DNAH9: variants seen among roughly 807,000 people sequenced by gnomAD.
The protein encoded by DNAH9 is DNAH9 variant protein.
In DNAH9, 345 loss-of-function variants were observed where a neutral mutation model predicts 471.6. That is an observed-to-expected ratio of 0.73 (90% confidence interval 0.67 to 0.80). The LOEUF (loss-of-function observed/expected upper bound fraction) is 0.80, where lower values mean the gene tolerates loss of function less well. Ranked by LOEUF, DNAH9 falls within the 30% of genes least tolerant of loss-of-function variation. The pLI, the probability that DNAH9 is intolerant of heterozygous loss-of-function variation, is 0.00. For missense variants in DNAH9, 5,407 were observed against 5,609.2 expected, an observed-to-expected ratio of 0.96 and a Z score of 1.15; for synonymous variants, 2,093 against 2,123.6, an observed-to-expected ratio of 0.99 and a Z score of 0.40.
intron 66 of DNAH9, among the ~76,000 whole-genome samples, chr17:11,939,324 G>T (rs1333717449): frequency 6.6e-6 from 1 of 152,194 alleles, no homozygotes. Context: ...AATAGACTTA[G>T]AATTCTTCAG....
intron 15 of DNAH9, among the ~76,000 whole-genome samples, chr17:11,666,408 G>A (rs1016105628): frequency 6.6e-6 from 1 of 152,198 alleles, no homozygotes; most frequent in Admixed American, 6.5e-5. Flanking sequence ...AGGACAGAGT[G>A]GGACCAGGGG....
At chr17:11,848,244 T>A (rs1382485324) in intron 49 of DNAH9, among the ~76,000 whole-genome samples, 2 of 152,148 alleles carry the variant, frequency 1.3e-5, no homozygotes, top group Non-Finnish European at 2.9e-5. Flanking sequence ...CCAGTAGAAA[T>A]GTAGGCAAAG....
chr17:11,764,678 G>A (rs116019914), intron 36 of DNAH9, among the ~76,000 whole-genome samples: 3,773 of 151,880 alleles, frequency 0.025, 152 homozygotes, highest in African/African-American at 0.087. Context: ...GGTTCATCAC[G>A]TTGTTGCAAA....
At chr17:11,781,400 G>C (rs1699892122) in intron 39 of DNAH9, among the ~76,000 whole-genome samples, 1 of 152,196 alleles carries the variant, frequency 6.6e-6, no homozygotes, top group African/African-American at 2.4e-5. Flanking sequence ...AGAAGACACT[G>C]AGCTCTCATC....
chr17:11,817,582 G>T (rs185529339), intron 45 of DNAH9, among the ~76,000 whole-genome samples: 61 of 152,328 alleles, frequency 4.0e-4, no homozygotes, highest in African/African-American at 1.4e-3. Context: ...CATGGCTATG[G>T]TCAATTAAAT....
intron 27 of DNAH9, among the ~76,000 whole-genome samples, chr17:11,727,069 A>AC (rs2075166660): frequency 6.7e-6 from 1 of 150,346 alleles, no homozygotes; most frequent in African/African-American, 2.5e-5. Flanking sequence ...AAAAAAAAAA[A>AC]AAAAAAAACC....
intron 50 of DNAH9, among the ~76,000 whole-genome samples, chr17:11,861,087 A>G (rs910558842): frequency 1.3e-5 from 2 of 150,464 alleles, no homozygotes; most frequent in Admixed American, 1.3e-4. Context: ...CAGGTTAGTT[A>G]CATATGTATA....
intron 50 of DNAH9, among the ~76,000 whole-genome samples, chr17:11,864,408 C>T (rs965796360): frequency 6.6e-6 from 1 of 151,794 alleles, no homozygotes; most frequent in Non-Finnish European, 1.5e-5. Context: ...AATTTCTGTT[C>T]TTTTACATTT....
At chr17:11,897,741 G>A (rs912666398) in intron 59 of DNAH9, among the ~76,000 whole-genome samples, 11 of 152,128 alleles carry the variant, frequency 7.2e-5, no homozygotes, top group Admixed American at 3.9e-4. Context: ...CAAAATGGTC[G>A]TCGTAATACC....
At chr17:11,724,174 T>C (rs1434786480) in intron 27 of DNAH9, among the ~76,000 whole-genome samples, 1 of 152,212 alleles carries the variant, frequency 6.6e-6, no homozygotes, top group African/African-American at 2.4e-5. Flanking sequence ...CAAAGATTTA[T>C]TGTTTCTTTG....
chr17:11,953,066 A>G (rs1975454314), intron 67 of DNAH9, among the ~76,000 whole-genome samples: 1 of 152,186 alleles, frequency 6.6e-6, no homozygotes, highest in African/African-American at 2.4e-5. Context: ...CTATCAGATT[A>G]GGGCTTCATC....
rs756441265 is a variant in DNAH9, at chr17:11,937,044, A to G, written c.12490-308A>G. Among the ~76,000 whole-genome samples the G allele has an allele frequency of 1.3e-5, 2 of 152,168 alleles. No individual in the cohort carries two copies. The highest frequency in any genetic ancestry group is 2.9e-5 in the Non-Finnish European group (2 of 68,042). ...AGAAGTCCTCCTCTGGTCTGCAGGA[A>G]AAAGAGTCATCAGGGAGGAGTGGGA... On this transcript the variant is annotated intron_variant, in intron 65 of 68. Coordinates refer to ENST00000262442, the MANE Select transcript of DNAH9 (RefSeq NM_001372.4). The surrounding 1 kb of genome is among the most constrained non-coding windows in gnomAD (Gnocchi z 4.1).
At chr17:11,755,753 T>C (rs1452770942) in intron 33 of DNAH9, among the ~76,000 whole-genome samples, 1 of 152,126 alleles carries the variant, frequency 6.6e-6, no homozygotes, top group Non-Finnish European at 1.5e-5. Context: ...AGGATTATTG[T>C]AGAAAATTTA....
chr17:11,882,172 G>A (rs949396799), intron 55 of DNAH9, among the ~76,000 whole-genome samples: 5 of 152,196 alleles, frequency 3.3e-5, no homozygotes, highest in African/African-American at 1.2e-4. Flanking sequence ...GGAAGTCTGC[G>A]ATCATGTTGG....
At chr17:11,804,796 C>G (rs1050127856) in intron 43 of DNAH9, among the ~76,000 whole-genome samples, 6 of 151,860 alleles carry the variant, frequency 4.0e-5, no homozygotes, top group Admixed American at 3.9e-4. Flanking sequence ...ATGGCGTGAA[C>G]CCAGAAGGCG....
intron 45 of DNAH9, among the ~76,000 whole-genome samples, chr17:11,812,294 C>T (rs1317256113): frequency 1.3e-5 from 2 of 151,154 alleles, no homozygotes; most frequent in Non-Finnish European, 2.9e-5. Context: ...TTCTCTCTCT[C>T]CACACTCCAT....
intron 15 of DNAH9, among the ~76,000 whole-genome samples, chr17:11,668,521 C>T (rs1202052600): frequency 1.3e-5 from 2 of 152,120 alleles, no homozygotes; most frequent in South Asian, 2.1e-4. Flanking sequence ...AAAAATTAGC[C>T]GGGCATAGTG....
Position 11,684,441 on chromosome 17 carries a change from G to T in DNAH9, c.3743+3552G>T, listed in dbSNP as rs548863933. 3.3e-5 allele frequency among the ~76,000 whole-genome samples: 5 copies of T among 152,256 alleles called. No individual in the cohort carries two copies. In the East Asian group the frequency reaches 9.7e-4, roughly 29 times the overall value. On this transcript the variant is annotated intron_variant, in intron 19 of 68. Transcript: ENST00000262442. ...GTAATTGGCTAAATCATCTTACTCA[G>T]ATTCAAGGGCTTTGTGCAACTCTTA...
chr17:11,866,331 G>A (rs1466698525), intron 50 of DNAH9, among the ~76,000 whole-genome samples: 2 of 152,072 alleles, frequency 1.3e-5, no homozygotes, highest in Non-Finnish European at 2.9e-5. Flanking sequence ...GCAGAACAGT[G>A]GTTTTTCTTG....
Sources: gnomAD v4.1 joint callset for allele counts (sites outside exome capture counted in the v4.1 genomes callset) on GRCh38, gnomAD v4.1.1 for gene constraint, Gnocchi (gnomAD v3.1) non-coding constraint, MANE v1.5 for transcripts, NCBI Gene and HGNC (gene_info 2026-07-23, HGNC 2026-07-21) for gene names.